Variants in ZNF516 observed in about 807,000 individuals in gnomAD.
The protein encoded by ZNF516 is zinc finger protein 516.
A neutral mutation model predicts 79.7 loss-of-function variants in ZNF516; 19 were observed. That is an observed-to-expected ratio of 0.24 (90% CI 0.17 to 0.35). The LOEUF (loss-of-function observed/expected upper bound fraction) is 0.35. Among genes scored for constraint, ZNF516 ranks in the 10% least tolerant of loss-of-function variants. ZNF516 has a pLI of 1.00. For synonymous variants in ZNF516, 877 were observed against 739.5 expected (o/e 1.19, Z -3.02); for missense variants, 1,678 against 1,679.5 (o/e 1.00, Z 0.02).
intron 1 of ZNF516, among the ~76,000 whole-genome samples, chr18:76,494,166 C>A (rs540585227): frequency 3.9e-5 from 6 of 152,304 alleles, no homozygotes; most frequent in Non-Finnish European, 7.3e-5. Context: ...TTTTAAATAC[C>A]CCACTCGGCT....
chr18:76,374,489 A>T (rs909031039), intron 4 of ZNF516, among the ~76,000 whole-genome samples: 2 of 152,224 alleles, frequency 1.3e-5, no homozygotes, highest in Non-Finnish European at 2.9e-5. Flanking sequence ...TAGACTCTTC[A>T]TATCTACAGA....
intron 1 of ZNF516, among the ~76,000 whole-genome samples, chr18:76,471,317 G>A (rs1913823041): frequency 6.6e-6 from 1 of 151,914 alleles, no homozygotes. Context: ...CCCGAAAAAG[G>A]TGACAGAATG....
Position 76,488,059 on chromosome 18 carries a change from C to T in ZNF516, c.-272+7085G>A, listed in dbSNP as rs536692477. On this transcript the variant is annotated intron_variant, in intron 1 of 6. Coordinates refer to ENST00000443185, the MANE Select transcript of ZNF516 (RefSeq NM_014643.4). ...ACAGAGGCTTGTCCACAGCCCCCAC[C>T]TCCATCTGCCTCCGAGAACCTCCAC... is the stretch of plus-strand genomic sequence containing the variant. 3,204 of 985,390 alleles carry T rather than the reference C, an allele frequency of 3.3e-3. 5 individuals are homozygous for T. Among genetic ancestry groups the T allele is most frequent in the Non-Finnish European group, 3.6e-3 (3,021 of 829,918 alleles). 61.0% of individuals were successfully genotyped at this position (985,390 alleles called of 1,614,324 possible).
intron 5 of ZNF516, 134 bp from the exon 6 acceptor site, chr18:76,370,729 T>C: frequency 1.4e-6 from 1 of 692,246 alleles, no homozygotes; most frequent in Non-Finnish European, 2.2e-6. Context: ...AAAATACCAA[T>C]TTACCGTAAC....
At chr18:76,448,662 G>T (rs2145595511) in intron 2 of ZNF516, among the ~76,000 whole-genome samples, 1 of 152,292 alleles carries the variant, frequency 6.6e-6, no homozygotes, top group East Asian at 1.9e-4. Flanking sequence ...GGTGACGGCA[G>T]GCTCCTTAGA....
chr18:76,375,327 C>T (rs1462367244), intron 4 of ZNF516, among the ~76,000 whole-genome samples: 1 of 152,002 alleles, frequency 6.6e-6, no homozygotes, highest in Non-Finnish European at 1.5e-5. Context: ...AGGGAAGGCC[C>T]CAGAGAACAG....
At position 76,467,860 on chromosome 18, in the gene ZNF516, C is replaced by G. The variant is rs1333950810; in HGVS notation, c.-271-4719G>C. The stretch of plus-strand genomic sequence containing the variant: ...ATGCATCCCATCCCGCTCAGGGCAG[C>G]TACATATAAGTAATAAACGAAGGAC... On this transcript the variant is annotated intron_variant, in intron 1 of 6. Transcript: ENST00000443185. The surrounding 1 kb of genome is among the most constrained non-coding windows in gnomAD (Gnocchi z 4.2). Among the ~76,000 whole-genome samples, 1 of 152,220 alleles carries G rather than the reference C, an allele frequency of 6.6e-6. No homozygotes were observed. The highest frequency in any genetic ancestry group is 1.5e-5 in the Non-Finnish European group (1 of 68,046).
At chr18:76,401,315 CA>C (rs2075217581) in intron 3 of ZNF516, among the ~76,000 whole-genome samples, 1 of 148,658 alleles carries the variant, frequency 6.7e-6, no homozygotes, top group African/African-American at 2.5e-5. Flanking sequence ...ATGCCTCAGA[CA>C]AATCTCTGGA....
intron 3 of ZNF516, among the ~76,000 whole-genome samples, chr18:76,411,206 G>A (rs1261763890): frequency 6.6e-6 from 1 of 152,190 alleles, no homozygotes; most frequent in Non-Finnish European, 1.5e-5. Flanking sequence ...TACTCACGAA[G>A]GACTGTGCAG....
At chr18:76,435,656 T>C (rs75639626) in intron 3 of ZNF516, among the ~76,000 whole-genome samples, 2,736 of 152,310 alleles carry the variant, frequency 0.018, 40 homozygotes, top group African/African-American at 0.038. Flanking sequence ...AAGAATTTAA[T>C]ATCAGGGTTT....
At chr18:76,422,216 G>T (rs1291405502) in intron 3 of ZNF516, among the ~76,000 whole-genome samples, 1 of 152,132 alleles carries the variant, frequency 6.6e-6, no homozygotes, top group East Asian at 1.9e-4. Context: ...ACTGTTCCTG[G>T]AAAGGGCCCT....
chr18:76,443,117 G>T lies in ZNF516; in HGVS notation c.-63C>A, dbSNP rs188319087. ...TTCTGTCGCGCGGGCTGCAGGGACC[G>T]TCCTATCTCTCCATGGTCAGAAGAG... On this transcript the variant is annotated 5_prime_UTR_variant, in exon 3 of 7. Coordinates refer to ENST00000443185, the MANE Select transcript of ZNF516 (RefSeq NM_014643.4). 1.0e-3 allele frequency: 1,543 copies of T among 1,507,824 alleles called. 11 individuals are homozygous for T. In the African/African-American group the frequency reaches 0.017, roughly 16 times the overall value. 93.4% of individuals were successfully genotyped at this position (1,507,824 alleles called of 1,614,324 possible).
chr18:76,486,689 A>G (rs1185827710), intron 1 of ZNF516, among the ~76,000 whole-genome samples: 2 of 38,296 alleles, frequency 5.2e-5, no homozygotes, highest in East Asian at 2.8e-3. Flanking sequence ...TTTGAAGGAA[A>G]AAAAAAAAAA....
rs1803476 is a variant in ZNF516, at chr18:76,362,477, G to A, written c.*21C>T. On this transcript the variant is annotated 3_prime_UTR_variant, in exon 7 of 7. Transcript: ENST00000443185. ...TGCTAATGGCCGTTACGGGGACCTG[G>A]GGTGCGTCGGAAACACGCCTTTAGG... 6.8e-6 allele frequency: 11 copies of A among 1,611,712 alleles called. No individual in the cohort carries two copies. The South Asian group carries it at 8.8e-5, about 13-fold the overall frequency.
chr18:76,495,031 C>T (rs1915425795), intron 1 of ZNF516, 113 bp downstream of exon 1: 1 of 150,418 alleles, frequency 6.6e-6, no homozygotes, highest in Non-Finnish European at 1.5e-5. Flanking sequence ...GCCTCCCCCC[C>T]TACCCCCAGC....
chr18:76,417,647 C>T (rs1333712187), intron 3 of ZNF516, among the ~76,000 whole-genome samples: 1 of 152,134 alleles, frequency 6.6e-6, no homozygotes, highest in East Asian at 1.9e-4. Context: ...GATTTTTCTC[C>T]CTTTTTGATG....
chr18:76,387,527 G>C (rs903362158), intron 3 of ZNF516: 2 of 151,906 alleles, frequency 1.3e-5, no homozygotes, highest in African/African-American at 4.8e-5. Flanking sequence ...TCCCAGATTT[G>C]CCAAGAAAAA....
At chr18:76,407,855 T>C (rs1286519966) in intron 3 of ZNF516, among the ~76,000 whole-genome samples, 2 of 152,174 alleles carry the variant, frequency 1.3e-5, no homozygotes, top group African/African-American at 4.8e-5. Context: ...CATTCCTCTA[T>C]GCAGTTCAAA....
At chr18:76,385,292 G>T (rs2074969022) in intron 3 of ZNF516, among the ~76,000 whole-genome samples, 1 of 152,220 alleles carries the variant, frequency 6.6e-6, no homozygotes, top group South Asian at 2.1e-4. Flanking sequence ...TGGCCTGGCT[G>T]GTGCCGCACA....
Sources: allele counts gnomAD v4.1 joint callset (sites outside exome capture counted in the v4.1 genomes callset), GRCh38; gene constraint gnomAD v4.1.1; non-coding constraint Gnocchi (gnomAD v3.1); transcripts MANE v1.5; gene names NCBI Gene and HGNC (gene_info 2026-07-23, HGNC 2026-07-21).